Variants in LOC128462377 observed in about 807,000 individuals in gnomAD.
chr16:89,390,526 T>C, the LOC128462377 span, among the ~76,000 whole-genome samples: 1 of 152,180 alleles, frequency 6.6e-6, no homozygotes, highest in African/African-American at 2.4e-5. Flanking sequence ...TGATGAAAAC[T>C]GTAAACTCTA....
chr16:89,381,036 A>G, the LOC128462377 span, among the ~76,000 whole-genome samples: 179 of 152,320 alleles, frequency 1.2e-3, no homozygotes, highest in African/African-American at 4.1e-3. Flanking sequence ...AGGGATGAGA[A>G]GGGCGGCTGG....
chr16:89,338,726 CAAAAAAAAAAAAA>C, the LOC128462377 span, among the ~76,000 whole-genome samples: 4 of 43,792 alleles, frequency 9.1e-5, no homozygotes, highest in African/African-American at 3.1e-4. Context: ...CACTCAGTCT[CAAAAAAAAAAAAA>C]AAAAAAAAAA....
the LOC128462377 span, among the ~76,000 whole-genome samples, chr16:89,369,770 G>C: frequency 6.6e-6 from 1 of 152,214 alleles, no homozygotes; most frequent in African/African-American, 2.4e-5. Flanking sequence ...TCTAAGACCA[G>C]AGGGTTTCAT....
chr16:89,337,414 A>G, the LOC128462377 span, among the ~76,000 whole-genome samples: 3 of 132,520 alleles, frequency 2.3e-5, no homozygotes, highest in Admixed American at 7.9e-5. Flanking sequence ...ATACATGAAC[A>G]TGGTCTAAGC....
At chr16:89,355,693 A>G in the LOC128462377 span, among the ~76,000 whole-genome samples, 7 of 152,370 alleles carry the variant, frequency 4.6e-5, no homozygotes, top group East Asian at 1.3e-3. Flanking sequence ...GAAAAAACCC[A>G]AAGATGCTCA....
the LOC128462377 span, among the ~76,000 whole-genome samples, chr16:89,336,364 G>T: frequency 6.6e-6 from 1 of 152,216 alleles, no homozygotes; most frequent in East Asian, 1.9e-4. Context: ...AGAGGCGGGT[G>T]TGCGTCCACA....
the LOC128462377 span, among the ~76,000 whole-genome samples, chr16:89,317,459 C>T: frequency 2.0e-5 from 3 of 152,326 alleles, no homozygotes; most frequent in Admixed American, 2.0e-4. Context: ...CCCCGCATTA[C>T]AGGCAAGGTC....
chr16:89,412,628 T>C, the LOC128462377 span: 2 of 152,060 alleles, frequency 1.3e-5, no homozygotes. Context: ...AAAGTTCACT[T>C]CAATTTAAAT....
At chr16:89,374,111 T>C in the LOC128462377 span, among the ~76,000 whole-genome samples, 162 of 152,364 alleles carry the variant, frequency 1.1e-3, 1 homozygote, top group African/African-American at 3.8e-3. Flanking sequence ...TCAATAGTTT[T>C]ACTGGTGATT....
chr16:89,345,154 A>G, the LOC128462377 span, among the ~76,000 whole-genome samples: 1 of 152,298 alleles, frequency 6.6e-6, no homozygotes, highest in Admixed American at 6.5e-5. Flanking sequence ...GGAAAAGGCA[A>G]ACTCCCAACA....
the LOC128462377 span, among the ~76,000 whole-genome samples, chr16:89,382,840 T>G: frequency 6.6e-6 from 1 of 152,026 alleles, no homozygotes; most frequent in Non-Finnish European, 1.5e-5. Context: ...TAGAGTTTCC[T>G]TTGTTTGCCC....
the LOC128462377 span, among the ~76,000 whole-genome samples, chr16:89,384,714 AC>A: frequency 1.3e-5 from 2 of 151,964 alleles, no homozygotes; most frequent in Admixed American, 1.3e-4. Context: ...CCCTCCTTTT[AC>A]CTCAATCAGG....
At chr16:89,337,997 G>A in the LOC128462377 span, among the ~76,000 whole-genome samples, 1 of 152,182 alleles carries the variant, frequency 6.6e-6, no homozygotes, top group Non-Finnish European at 1.5e-5. Context: ...GCAACACAGT[G>A]ACCTGCCTCC....
the LOC128462377 span, among the ~76,000 whole-genome samples, chr16:89,374,209 C>T: frequency 0.029 from 4,456 of 152,246 alleles, 147 homozygotes; most frequent in African/African-American, 0.075. Flanking sequence ...TATCAGACTT[C>T]AAAGATTTAC....
chr16:89,375,068 G>A, the LOC128462377 span, among the ~76,000 whole-genome samples: 1 of 152,196 alleles, frequency 6.6e-6, no homozygotes, highest in East Asian at 1.9e-4. Context: ...GCATCGTTCA[G>A]CAGAGGGAAA....
chr16:89,388,640 TG>T, the LOC128462377 span, among the ~76,000 whole-genome samples: 1 of 152,140 alleles, frequency 6.6e-6, no homozygotes, highest in Admixed American at 6.5e-5. Flanking sequence ...TGAAGGAGGC[TG>T]CATAGAGCAG....
At chr16:89,323,899 G>A in the LOC128462377 span, 1 of 217,980 alleles carries the variant, frequency 4.6e-6, no homozygotes, top group African/African-American at 2.4e-5. Context: ...GCCAAGGCCA[G>A]GCAGGCACCA....
At chr16:89,417,569 C>T in the LOC128462377 span, among the ~76,000 whole-genome samples, 3 of 152,120 alleles carry the variant, frequency 2.0e-5, no homozygotes, top group Non-Finnish European at 2.9e-5. Flanking sequence ...GGAGTCAGGG[C>T]TGGCGAACCA....
the LOC128462377 span, among the ~76,000 whole-genome samples, chr16:89,376,079 T>C: frequency 1.6e-3 from 237 of 152,304 alleles, no homozygotes; most frequent in Admixed American, 2.6e-3. Context: ...GGCTTGAAAA[T>C]TTTTTTGTGA....
Sources: gnomAD v4.1 joint callset for allele counts (sites outside exome capture counted in the v4.1 genomes callset) on GRCh38, gnomAD v4.1.1 for gene constraint, MANE v1.5 for transcripts.